DAB1: variants seen among roughly 807,000 people sequenced by gnomAD.
The protein encoded by DAB1 is disabled homolog 1.
A neutral mutation model predicts 64.6 loss-of-function variants in DAB1; 15 were observed. That is an observed-to-expected ratio of 0.23 (90% CI 0.16 to 0.36). The LOEUF is 0.36. Ranked by LOEUF, DAB1 falls within the 10% of genes least tolerant of loss-of-function variation. The probability of loss-of-function intolerance (pLI) is 1.00; values close to 1 mark genes in which losing one functional copy is unlikely to be tolerated. For synonymous variants in DAB1, 235 were observed against 251.9 expected, an observed-to-expected ratio of 0.93 and a Z score of 0.64; for missense variants, 596 against 706.7, an observed-to-expected ratio of 0.84 and a Z score of 1.78.
chr1:57,186,870 T>C (rs1663619206), intron 2 of DAB1, among the ~76,000 whole-genome samples: 1 of 152,178 alleles, frequency 6.6e-6, no homozygotes, highest in Admixed American at 6.5e-5. Flanking sequence ...GCTCTGTAAC[T>C]GAATAACAGA....
At chr1:57,969,936 G>T (rs192657714) in intron 5 of DAB1, among the ~76,000 whole-genome samples, 1 of 151,856 alleles carries the variant, frequency 6.6e-6, no homozygotes, top group East Asian at 2.0e-4. Flanking sequence ...TTAAGAGGTG[G>T]GGCCTTTAGT....
intron 4 of DAB1, among the ~76,000 whole-genome samples, chr1:58,250,236 C>T (rs961201511): frequency 6.6e-6 from 1 of 152,192 alleles, no homozygotes; most frequent in Non-Finnish European, 1.5e-5. Context: ...ACATATTCTC[C>T]TACCTCCAGC....
At chr1:58,074,564 G>GTGTGTATATA (rs1332531604) in intron 5 of DAB1, 12 of 91,640 alleles carry the variant, frequency 1.3e-4, no homozygotes, top group African/African-American at 3.0e-4. Context: ...ATATATGTGT[G>GTGTGTATATA]TATATATATA....
chr1:58,536,401 T>C, intron 1 of DAB1: 1 of 637,844 alleles, frequency 1.6e-6, no homozygotes, highest in Non-Finnish European at 2.8e-6. Context: ...AAAATGCTAA[T>C]TTCATATCAA....
chr1:58,183,111 C>A (rs1656886122), intron 4 of DAB1, among the ~76,000 whole-genome samples: 1 of 151,936 alleles, frequency 6.6e-6, no homozygotes, highest in Non-Finnish European at 1.5e-5. Flanking sequence ...CTAGAGATTA[C>A]CCCTGGTAAG....
chr1:57,844,245 T>C (rs983183842), intron 1 of DAB1, among the ~76,000 whole-genome samples: 1 of 152,266 alleles, frequency 6.6e-6, no homozygotes, highest in Non-Finnish European at 1.5e-5. Flanking sequence ...GATTCATGTA[T>C]CTGTTTCCCT....
rs549704578 is a variant in DAB1 at position 58,047,047 on chromosome 1, A to G, written n.387+103464T>C. ...AGCTCCAAGATCCCTCCAAATTCTTACCATGACATGATATTTGTATAATAT... is the reference window on the plus strand; with the variant it reads ...AGCTCCAAGATCCCTCCAAATTCTTGCCATGACATGATATTTGTATAATAT... On this transcript the variant is annotated intron_variant and non_coding_transcript_variant, in intron 5 of 20. Transcript: ENST00000485760. Among the ~76,000 whole-genome samples, 780 of 152,336 alleles carry G rather than the reference A, an allele frequency of 5.1e-3. 5 individuals are homozygous for G. The highest frequency in any genetic ancestry group is 0.018 in the African/African-American group (737 of 41,576).
chr1:58,150,490 A>C (rs1002548017), intron 5 of DAB1: 19 of 152,244 alleles, frequency 1.2e-4, no homozygotes, highest in African/African-American at 4.3e-4. Flanking sequence ...AAAGGAGCAT[A>C]GATAAAATGT....
At chr1:57,193,926 T>C (rs1199173024) in intron 2 of DAB1, among the ~76,000 whole-genome samples, 1 of 152,236 alleles carries the variant, frequency 6.6e-6, no homozygotes, top group East Asian at 1.9e-4. Context: ...CATTTCCTTA[T>C]CTGCAAAATG....
chr1:57,980,180 G>T (rs1459482002), intron 5 of DAB1, among the ~76,000 whole-genome samples: 2 of 152,048 alleles, frequency 1.3e-5, no homozygotes, highest in South Asian at 2.1e-4. Flanking sequence ...TTCATGGCAA[G>T]CTTGCCATGC....
At chr1:57,482,477 T>TAAAAAAAAAAAAAAAAAAAAA (rs918167439) in intron 7 of DAB1, among the ~76,000 whole-genome samples, 1 of 61,200 alleles carries the variant, frequency 1.6e-5, no homozygotes, top group Non-Finnish European at 3.4e-5. Flanking sequence ...CTGAAAGTTG[T>TAAAAAAAAAAAAAAAAAAAAA]AAAAAAAAAA....
intron 1 of DAB1, chr1:58,539,458 C>A: frequency 1.7e-6 from 1 of 583,150 alleles, no homozygotes; most frequent in South Asian, 2.3e-5. Context: ...ACCCCTAGAG[C>A]AACGCCTTTC....
At chr1:57,710,103 T>A (rs1027573608) in intron 6 of DAB1, among the ~76,000 whole-genome samples, 1 of 152,202 alleles carries the variant, frequency 6.6e-6, no homozygotes, top group African/African-American at 2.4e-5. Context: ...TATATCTATA[T>A]CACCTGAAGT....
At chr1:57,732,287 A>G (rs1337898526) in intron 6 of DAB1, among the ~76,000 whole-genome samples, 3 of 152,172 alleles carry the variant, frequency 2.0e-5, no homozygotes, top group African/African-American at 7.2e-5. Flanking sequence ...CAAGTGTGGT[A>G]AAGGAAAGGG....
chr1:57,549,205 A>G (rs1002916268), intron 7 of DAB1, among the ~76,000 whole-genome samples: 2 of 152,064 alleles, frequency 1.3e-5, no homozygotes, highest in Non-Finnish European at 2.9e-5. Flanking sequence ...GTGATCACCA[A>G]CTCTAAGATA....
chr1:57,299,515 C>A (rs1673459070), intron 1 of DAB1, among the ~76,000 whole-genome samples: 2 of 152,184 alleles, frequency 1.3e-5, no homozygotes, highest in South Asian at 4.1e-4. Context: ...ACATGGCATA[C>A]TCAGCAACAT....
intron 2 of DAB1, among the ~76,000 whole-genome samples, chr1:57,260,084 G>A (rs1192777497): frequency 6.6e-6 from 1 of 152,112 alleles, no homozygotes; most frequent in Admixed American, 6.6e-5. Flanking sequence ...CGGCCAAGAA[G>A]GAGCCTCACC....
chr1:57,893,115 G>A (rs1162082009), intron 5 of DAB1, among the ~76,000 whole-genome samples: 1 of 151,496 alleles, frequency 6.6e-6, no homozygotes, highest in African/African-American at 2.4e-5. Flanking sequence ...GATTCACAAA[G>A]GTAAACACCC....
At chr1:57,716,741 A>G (rs548017905) in intron 6 of DAB1, among the ~76,000 whole-genome samples, 48 of 152,366 alleles carry the variant, frequency 3.2e-4, no homozygotes, top group Non-Finnish European at 6.0e-4. Context: ...ATTCGATTAT[A>G]TCAAACTAAT....
Sources: gnomAD v4.1 joint callset for allele counts (sites outside exome capture counted in the v4.1 genomes callset) on GRCh38, gnomAD v4.1.1 for gene constraint, MANE v1.5 for transcripts, NCBI Gene and HGNC (gene_info 2026-07-23, HGNC 2026-07-21) for gene names.